Variants in MYH9 observed in about 807,000 individuals in gnomAD.
MYH9 encodes myosin-9.
A neutral mutation model predicts 241.9 loss-of-function variants in MYH9; 29 were observed. The ratio of observed to expected loss-of-function variants is 0.12; its 90% CI spans 0.09 to 0.16. The LOEUF (loss-of-function observed/expected upper bound fraction) is 0.16, where lower values mean the gene tolerates loss of function less well. Among genes scored for constraint, MYH9 ranks in the 10% least tolerant of loss-of-function variants. The pLI, the probability that MYH9 is intolerant of heterozygous loss-of-function variation, is 1.00. For missense variants in MYH9, 1,803 were observed against 2,595.5 expected, an observed-to-expected ratio of 0.69 and a Z score of 6.63; for synonymous variants, 1,047 against 1,062.6, an observed-to-expected ratio of 0.99 and a Z score of 0.29.
Position 36,293,937 on chromosome 22 carries a change from G to T in MYH9, c.3838-74C>A. The T allele has an allele frequency of 6.7e-7, 1 of 1,490,774 alleles. No individual in the cohort carries two copies. Among genetic ancestry groups the T allele is most frequent in the South Asian group, 1.2e-5 (1 of 86,222 alleles). The allele number at this position is 1,490,774 out of a possible 1,614,324, so 92.3% of individuals were successfully genotyped here. A position where few individuals can be genotyped will look rare whatever the true frequency, so the allele number is the denominator to read the frequency against. On this transcript the variant is annotated intron_variant, in intron 28 of 40. Transcript: ENST00000216181. The surrounding 1 kb of genome is among the most constrained non-coding windows in gnomAD (Gnocchi z 5.1). ...TCCTGCCCCACCTCATCTCCTTTAGGTAAAGCTGGACCTGAGTCACAAGCT... is the reference window on the plus strand; with the variant it reads ...TCCTGCCCCACCTCATCTCCTTTAGTTAAAGCTGGACCTGAGTCACAAGCT...
intron 13 of MYH9, among the ~76,000 whole-genome samples, chr22:36,313,885 C>T (rs1039502639): frequency 6.6e-6 from 1 of 152,222 alleles, no homozygotes; most frequent in Non-Finnish European, 1.5e-5. Flanking sequence ...GCTAGGGCCC[C>T]CGCCACATAT....
intron 1 of MYH9, among the ~76,000 whole-genome samples, chr22:36,353,445 C>T (rs1016091305): frequency 3.9e-5 from 6 of 152,072 alleles, no homozygotes; most frequent in African/African-American, 1.4e-4. Flanking sequence ...GCTGCAACCT[C>T]CACCTCCCAG....
chr22:36,373,030 G>A (rs1400066697), intron 1 of MYH9, among the ~76,000 whole-genome samples: 1 of 152,148 alleles, frequency 6.6e-6, no homozygotes, highest in East Asian at 1.9e-4. Flanking sequence ...CTCCCCTTAG[G>A]CCCACCCCCA....
Position 36,288,097 on chromosome 22 carries a change from GTC to G in MYH9, c.4932+153_4932+154del, listed in dbSNP as rs1569534779. ...TTTCCACTCACCTCTGAGCCTCTGA[GTC>G]TCTGTCAGTGAGATGGGGCTGGAAG... On this transcript the variant is annotated intron_variant, in intron 34 of 40. Transcript: ENST00000216181. This position sits in a 1 kb window ranked among gnomAD's most constrained non-coding sequence, Gnocchi z 4.8. Among the ~76,000 whole-genome samples the G allele has an allele frequency of 1.3e-5, 2 of 152,224 alleles. No individual in the cohort carries two copies. Among genetic ancestry groups the G allele is most frequent in the African/African-American group, 2.4e-5 (1 of 41,456 alleles).
chr22:36,382,677 C>T (rs976815265), intron 1 of MYH9, among the ~76,000 whole-genome samples: 1 of 151,432 alleles, frequency 6.6e-6, no homozygotes, highest in Non-Finnish European at 1.5e-5. Flanking sequence ...GTGGTGCACC[C>T]CTGTAATCCT....
intron 9 of MYH9, 119 bp from the exon 10 acceptor site, chr22:36,319,754 C>G (rs2017220100): frequency 1.0e-6 from 1 of 1,001,192 alleles, no homozygotes; most frequent in Non-Finnish European, 1.5e-6. Context: ...CACCCCCCAA[C>G]TCCCTGGGGC....
intron 19 of MYH9, 112 bp from the exon 20 acceptor site, chr22:36,302,788 CAAGA>C: frequency 2.3e-6 from 2 of 878,630 alleles, no homozygotes; most frequent in Non-Finnish European, 3.7e-6. Context: ...TGGGGCACCT[CAAGA>C]AAGAAATTCA....
At chr22:36,359,100 G>T (rs934078536) in intron 1 of MYH9, among the ~76,000 whole-genome samples, 1 of 152,122 alleles carries the variant, frequency 6.6e-6, no homozygotes, top group Admixed American at 6.5e-5. Context: ...CTTCTCTAAA[G>T]ACTTTTTGCA....
chr22:36,357,450 G>C (rs896940631), intron 1 of MYH9, among the ~76,000 whole-genome samples: 1 of 152,126 alleles, frequency 6.6e-6, no homozygotes, highest in Admixed American at 6.6e-5. Context: ...GTGCCACGTG[G>C]GGTATTTAGC....
chr22:36,319,732 G>T, intron 9 of MYH9, 97 bp from the exon 10 acceptor site: 1 of 1,206,826 alleles, frequency 8.3e-7, no homozygotes, highest in Non-Finnish European at 1.2e-6. Flanking sequence ...AGCCAGACAA[G>T]CCAAGCAGGG....
intron 1 of MYH9, among the ~76,000 whole-genome samples, chr22:36,374,292 C>T (rs12158223): frequency 6.3e-4 from 95 of 151,998 alleles, no homozygotes; most frequent in African/African-American, 2.1e-3. Context: ...CCAAGGTGGG[C>T]GGATCACCTG....
chr22:36,287,210 C>T (rs556982600), intron 34 of MYH9, among the ~76,000 whole-genome samples: 3 of 152,336 alleles, frequency 2.0e-5, no homozygotes, highest in South Asian at 2.1e-4. Context: ...GCAGGAAACA[C>T]CTTTCCTTTT....
chr22:36,371,185 G>A (rs117651459), intron 1 of MYH9, among the ~76,000 whole-genome samples: 4,357 of 152,272 alleles, frequency 0.029, 78 homozygotes, highest in Middle Eastern at 0.082. Context: ...TATCCATTAT[G>A]TTGGAGCCCT....
rs776793983 is a variant in MYH9, at chr22:36,304,201, AG to A, written c.2230-47del. 3 of 1,600,760 alleles carry A rather than the reference AG, an allele frequency of 1.9e-6. No individual in the cohort carries two copies. The African/African-American group carries it at 4.0e-5, about 21-fold the overall frequency. Reference sequence around the variant, plus strand: ...GTTTACCTGGCCAGCAACTGGCCACAGCTCCATGAAAGGGTGGCCCAGGCAC... The same window carrying A: ...GTTTACCTGGCCAGCAACTGGCCACACTCCATGAAAGGGTGGCCCAGGCAC... On this transcript the variant is annotated intron_variant, in intron 18 of 40. Coordinates refer to ENST00000216181, the MANE Select transcript of MYH9 (RefSeq NM_002473.6).
At position 36,302,190 on chromosome 22, in the gene MYH9, TTTTA is replaced by T. The variant is rs1436752414; in HGVS notation, c.2499+374_2499+377del. The T allele has an allele frequency of 1.7e-5, 5 of 288,142 alleles. No individual in the cohort carries two copies. The East Asian group carries it at 4.4e-4, about 25-fold the overall frequency. The allele number at this position is 288,142 out of a possible 1,614,324, so 17.8% of individuals were successfully genotyped here. ...TTAGGCTAAGGGTTTATGTGTGAAT[TTTTA>T]TTTAATTCTTTAGGCTTTTTGTGAG... is the stretch of plus-strand genomic sequence containing the variant. On this transcript the variant is annotated intron_variant, in intron 20 of 40. Transcript: ENST00000216181.
At chr22:36,284,575 C>G (rs2016547699) in intron 38 of MYH9, 64 bp from the exon 39 acceptor site, 2 of 1,492,644 alleles carry the variant, frequency 1.3e-6, no homozygotes, top group East Asian at 4.6e-5. Context: ...CCAACAAGCC[C>G]TAACCAGGAC....
intron 24 of MYH9, chr22:36,297,240 C>A: frequency 1.7e-6 from 1 of 583,606 alleles, no homozygotes; most frequent in Non-Finnish European, 3.1e-6. Context: ...TCCTTCCCTG[C>A]CAGGAATTAA....
At chr22:36,283,299 G>T (rs1328498815) in intron 40 of MYH9, among the ~76,000 whole-genome samples, 10 of 152,236 alleles carry the variant, frequency 6.6e-5, no homozygotes, top group Non-Finnish European at 1.3e-4. Context: ...CTCTCTGGGA[G>T]GCCGAGGCGG....
At chr22:36,358,694 G>T (rs1307860330) in intron 1 of MYH9, among the ~76,000 whole-genome samples, 1 of 152,044 alleles carries the variant, frequency 6.6e-6, no homozygotes, top group East Asian at 1.9e-4. Context: ...CCCGTGCCCT[G>T]TTCCAGTCCA....
Sources: allele counts gnomAD v4.1 joint callset (sites outside exome capture counted in the v4.1 genomes callset), GRCh38; gene constraint gnomAD v4.1.1; non-coding constraint Gnocchi (gnomAD v3.1); transcripts MANE v1.5; gene names NCBI Gene and HGNC (gene_info 2026-07-23, HGNC 2026-07-21).